Variants in TMEM135 observed in about 807,000 individuals in gnomAD.
The protein encoded by TMEM135 is transmembrane protein 135.
TMEM135 carries 30 observed loss-of-function variants against 60.3 expected under a neutral mutation model. The ratio of observed to expected loss-of-function variants is 0.50; its 90% confidence interval spans 0.37 to 0.68. The LOEUF (loss-of-function observed/expected upper bound fraction) is 0.68. Ranked by LOEUF, TMEM135 falls within the 30% of genes least tolerant of loss-of-function variation. The probability of loss-of-function intolerance (pLI) is 0.00; values close to 1 mark genes in which losing one functional copy is unlikely to be tolerated. For missense variants in TMEM135, 468 were observed against 548.8 expected (o/e 0.85, Z 1.47); for synonymous variants, 190 against 186.7 (o/e 1.02, Z -0.14).
chr11:87,269,423 C>T (rs1321234817), intron 6 of TMEM135, among the ~76,000 whole-genome samples: 1 of 150,736 alleles, frequency 6.6e-6, no homozygotes, highest in African/African-American at 2.4e-5. Context: ...TATACATGTG[C>T]CATGCTGGTG....
intron 7 of TMEM135, among the ~76,000 whole-genome samples, chr11:87,301,515 A>G (rs569739312): frequency 2.4e-4 from 37 of 152,224 alleles, no homozygotes; most frequent in African/African-American, 8.7e-4. Context: ...TGACTCCCAT[A>G]GTGCCAGGGT....
At chr11:87,172,154 G>A (rs1227761472) in intron 5 of TMEM135, among the ~76,000 whole-genome samples, 1 of 152,078 alleles carries the variant, frequency 6.6e-6, no homozygotes, top group Non-Finnish European at 1.5e-5. Context: ...CATCACCAAA[G>A]ACTTTGTCTA....
intron 6 of TMEM135, among the ~76,000 whole-genome samples, chr11:87,261,677 A>G (rs1417867334): frequency 2.6e-5 from 4 of 152,218 alleles, no homozygotes; most frequent in African/African-American, 9.6e-5. Flanking sequence ...CCTGGAGTGC[A>G]GTGGCACAGT....
intron 6 of TMEM135, among the ~76,000 whole-genome samples, chr11:87,266,081 A>G (rs1323507276): frequency 6.6e-6 from 1 of 152,184 alleles, no homozygotes; most frequent in African/African-American, 2.4e-5. Flanking sequence ...GCCAATTTAT[A>G]TATTATTGGA....
At chr11:87,178,854 G>C (rs1565475714) in intron 5 of TMEM135, among the ~76,000 whole-genome samples, 1 of 151,708 alleles carries the variant, frequency 6.6e-6, no homozygotes, top group Non-Finnish European at 1.5e-5. Context: ...ATTATTTCCA[G>C]TTTTCAGTTA....
At position 87,038,501 on chromosome 11, in the gene TMEM135, C is replaced by T. The variant is rs192206821; in HGVS notation, c.141+315C>T. Among the ~76,000 whole-genome samples the T allele has an allele frequency of 2.0e-5, 3 of 151,918 alleles. No homozygotes were observed. The East Asian group carries it at 5.8e-4, about 29-fold the overall frequency. On this transcript the variant is annotated intron_variant, in intron 1 of 14. Coordinates refer to ENST00000305494, the MANE Select transcript of TMEM135 (RefSeq NM_022918.4). ...TTAAAAACGTTAATTCAAAGACCAG[C>T]CTTATTTTCCTCTGGCCTGCCTTGT...
At chr11:87,228,231 G>T (rs889621562) in intron 5 of TMEM135, among the ~76,000 whole-genome samples, 2 of 152,130 alleles carry the variant, frequency 1.3e-5, no homozygotes, top group African/African-American at 4.8e-5. Context: ...CCCCTAGTGT[G>T]CTGGGACTAT....
intron 5 of TMEM135, among the ~76,000 whole-genome samples, chr11:87,192,337 T>C (rs1381303551): frequency 2.0e-5 from 3 of 152,134 alleles, no homozygotes; most frequent in Non-Finnish European, 2.9e-5. Context: ...CCATTTCTGG[T>C]ACCAATTTCA....
At chr11:87,317,706 A>G (rs1266743110) in intron 12 of TMEM135, among the ~76,000 whole-genome samples, 1 of 152,136 alleles carries the variant, frequency 6.6e-6, no homozygotes, top group Non-Finnish European at 1.5e-5. Flanking sequence ...GGCTGTTGCC[A>G]CCTGTCAGTG....
chr11:87,090,257 G>T (rs551717998), intron 3 of TMEM135, among the ~76,000 whole-genome samples: 2 of 152,130 alleles, frequency 1.3e-5, no homozygotes, highest in Admixed American at 1.3e-4. Flanking sequence ...TTAATAAGTA[G>T]ATAACTAGTC....
At chr11:87,158,438 A>C (rs1813561406) in intron 5 of TMEM135, among the ~76,000 whole-genome samples, 1 of 151,318 alleles carries the variant, frequency 6.6e-6, no homozygotes, top group South Asian at 2.1e-4. Flanking sequence ...ATATTTAATT[A>C]TATATTTGCA....
At chr11:87,165,780 C>T (rs1348238235) in intron 5 of TMEM135, among the ~76,000 whole-genome samples, 4 of 150,322 alleles carry the variant, frequency 2.7e-5, no homozygotes, top group Non-Finnish European at 4.4e-5. Flanking sequence ...AAAAACCCTT[C>T]AAAAAGTAAA....
intron 5 of TMEM135, among the ~76,000 whole-genome samples, chr11:87,219,487 AGGGAGAGT>A (rs1267739368): frequency 1.3e-5 from 2 of 152,028 alleles, no homozygotes; most frequent in Non-Finnish European, 1.5e-5. Context: ...GGAGAGAGCC[AGGGAGAGT>A]GAGAGAGTGA....
intron 5 of TMEM135, among the ~76,000 whole-genome samples, chr11:87,201,203 A>T (rs1940087718): frequency 6.6e-6 from 1 of 152,200 alleles, no homozygotes; most frequent in African/African-American, 2.4e-5. Flanking sequence ...AAACTGGAAG[A>T]TCTTGCTCCT....
intron 5 of TMEM135, among the ~76,000 whole-genome samples, chr11:87,194,566 T>G (rs1354832096): frequency 6.6e-6 from 1 of 152,160 alleles, no homozygotes; most frequent in African/African-American, 2.4e-5. Context: ...TGTATGTATG[T>G]GTATATACAG....
intron 6 of TMEM135, among the ~76,000 whole-genome samples, chr11:87,242,198 T>C (rs1941152015): frequency 6.6e-6 from 1 of 151,588 alleles, no homozygotes; most frequent in African/African-American, 2.4e-5. Context: ...TTTTTATGGC[T>C]GCATAGTATT....
At chr11:87,100,505 C>T (rs2135182745) in intron 4 of TMEM135, among the ~76,000 whole-genome samples, 1 of 152,188 alleles carries the variant, frequency 6.6e-6, no homozygotes, top group Middle Eastern at 3.4e-3. Context: ...CTTATAACAT[C>T]CAACAATAAA....
chr11:87,202,680 C>T (rs1251783420), intron 5 of TMEM135, among the ~76,000 whole-genome samples: 6 of 149,652 alleles, frequency 4.0e-5, no homozygotes, highest in African/African-American at 1.5e-4. Context: ...TAACGATTGA[C>T]ATTTGTTGTC....
At chr11:87,203,456 A>G (rs981472464) in intron 5 of TMEM135, among the ~76,000 whole-genome samples, 2 of 152,176 alleles carry the variant, frequency 1.3e-5, no homozygotes. Context: ...ACCATACAAT[A>G]TGCAGCCTTT....
Sources: gnomAD v4.1 joint callset for allele counts (sites outside exome capture counted in the v4.1 genomes callset) on GRCh38, gnomAD v4.1.1 for gene constraint, MANE v1.5 for transcripts, NCBI Gene and HGNC (gene_info 2026-07-23, HGNC 2026-07-21) for gene names.